Variants in ARHGAP15 observed in about 807,000 individuals in gnomAD.
ARHGAP15 encodes Rho GTPase activating protein 15, also known as rho GTPase-activating protein 15.
In ARHGAP15, 51 loss-of-function variants were observed where a neutral mutation model predicts 63.7. That is an observed-to-expected ratio of 0.80 (90% confidence interval 0.64 to 1.01). The LOEUF is 1.01. Ranked by LOEUF, ARHGAP15 falls within the 50% of genes least tolerant of loss-of-function variation. ARHGAP15 has a pLI of 0.00. For missense variants in ARHGAP15, 560 were observed against 564.6 expected (o/e 0.99, Z 0.08); for synonymous variants, 191 against 193.8 (o/e 0.99, Z 0.12).
At chr2:143,171,533 G>A (rs1159451325) in intron 2 of ARHGAP15, among the ~76,000 whole-genome samples, 2 of 152,066 alleles carry the variant, frequency 1.3e-5, no homozygotes, top group Non-Finnish European at 2.9e-5. Flanking sequence ...GCAGGCTGGG[G>A]ATTTAATTTT....
At chr2:143,382,350 C>T (rs764104920) in intron 6 of ARHGAP15, among the ~76,000 whole-genome samples, 14 of 152,240 alleles carry the variant, frequency 9.2e-5, no homozygotes, top group Non-Finnish European at 1.9e-4. Context: ...TGCCTTGCCT[C>T]TCTGGTTTCT....
chr2:143,715,126 G>C, intron 13 of ARHGAP15, among the ~76,000 whole-genome samples: 1 of 152,168 alleles, frequency 6.6e-6, no homozygotes, highest in East Asian at 1.9e-4. Context: ...CACATGGCTG[G>C]GGAGGCCTCA....
rs1277821256 is a variant in ARHGAP15 at position 143,413,793 on chromosome 2, C to T, written c.475-21808C>T. ...CCAGCGTACTCATAGCTTTTCAATG[C>T]AGAATGCCTCAGGAGAAGAAGCAAG... On this transcript the variant is annotated intron_variant, in intron 6 of 13. Transcript: ENST00000295095. 2.0e-5 allele frequency among the ~76,000 whole-genome samples: 3 copies of T among 152,206 alleles called. No individual in the cohort carries two copies. The East Asian group carries it at 5.8e-4, about 29-fold the overall frequency.
chr2:143,542,689 A>AT (rs1214417011), intron 10 of ARHGAP15, among the ~76,000 whole-genome samples: 3 of 126,682 alleles, frequency 2.4e-5, no homozygotes, highest in South Asian at 2.6e-4. Flanking sequence ...TATGATATAT[A>AT]GTATCACATA....
intron 13 of ARHGAP15, among the ~76,000 whole-genome samples, chr2:143,749,872 C>A (rs1267325130): frequency 6.6e-6 from 1 of 152,118 alleles, no homozygotes. Flanking sequence ...AGAGTTGAGT[C>A]CCTGGTTCTT....
intron 11 of ARHGAP15, among the ~76,000 whole-genome samples, chr2:143,602,593 G>A (rs1192217632): frequency 4.6e-5 from 7 of 151,972 alleles, no homozygotes; most frequent in Admixed American, 1.3e-4. Context: ...TGAAAGAAAA[G>A]AATGTGAATA....
intron 6 of ARHGAP15, among the ~76,000 whole-genome samples, chr2:143,339,442 T>C (rs1301157541): frequency 6.6e-6 from 1 of 152,126 alleles, no homozygotes; most frequent in African/African-American, 2.4e-5. Flanking sequence ...ATAGCAAAGA[T>C]GAATTATAGG....
intron 2 of ARHGAP15, among the ~76,000 whole-genome samples, chr2:143,195,006 G>A (rs188273561): frequency 7.2e-5 from 11 of 152,240 alleles, no homozygotes; most frequent in Admixed American, 3.3e-4. Context: ...TGCCAGGAGC[G>A]AGAGGCTGGT....
At chr2:143,160,456 T>A (rs1387924353) in intron 2 of ARHGAP15, among the ~76,000 whole-genome samples, 1 of 151,960 alleles carries the variant, frequency 6.6e-6, no homozygotes, top group Non-Finnish European at 1.5e-5. Context: ...GACTACACAA[T>A]AATGTGTCTT....
At chr2:143,510,394 T>C (rs1167289351) in intron 9 of ARHGAP15, among the ~76,000 whole-genome samples, 1 of 152,156 alleles carries the variant, frequency 6.6e-6, no homozygotes, top group Non-Finnish European at 1.5e-5. Flanking sequence ...AAACTTCCAG[T>C]CTAGAGCGAT....
chr2:143,206,399 T>A (rs990293784), intron 3 of ARHGAP15, among the ~76,000 whole-genome samples: 1 of 152,326 alleles, frequency 6.6e-6, no homozygotes, highest in East Asian at 1.9e-4. Flanking sequence ...AATAAATATA[T>A]GCCTAACATT....
At chr2:143,332,235 A>G (rs1006780617) in intron 6 of ARHGAP15, among the ~76,000 whole-genome samples, 2 of 152,174 alleles carry the variant, frequency 1.3e-5, no homozygotes, top group African/African-American at 4.8e-5. Flanking sequence ...GAGTAGAAGG[A>G]AAGGGAACTA....
chr2:143,350,838 C>CAAAAAAAAAAAAAAAAAAAAAAA, intron 6 of ARHGAP15: 1 of 57,730 alleles, frequency 1.7e-5, no homozygotes, highest in Non-Finnish European at 3.0e-5. Flanking sequence ...GACTCAGTCT[C>CAAAAAAAAAAAAAAAAAAAAAAA]AAAAAAAAAA....
At chr2:143,386,543 A>C (rs1367058331) in intron 6 of ARHGAP15, among the ~76,000 whole-genome samples, 1 of 152,192 alleles carries the variant, frequency 6.6e-6, no homozygotes, top group Non-Finnish European at 1.5e-5. Flanking sequence ...AAATTCAAAA[A>C]TATTAGTGAG....
chr2:143,534,903 CA>C (rs951381315), intron 10 of ARHGAP15, among the ~76,000 whole-genome samples: 36 of 151,504 alleles, frequency 2.4e-4, no homozygotes, highest in African/African-American at 8.5e-4. Context: ...AAAAACAAAA[CA>C]AAAAAACCTA....
At chr2:143,364,358 TTC>T (rs1686203753) in intron 6 of ARHGAP15, among the ~76,000 whole-genome samples, 2 of 152,212 alleles carry the variant, frequency 1.3e-5, no homozygotes, top group African/African-American at 4.8e-5. Flanking sequence ...AATTATTTTG[TTC>T]TCTCACAGAA....
intron 9 of ARHGAP15, among the ~76,000 whole-genome samples, chr2:143,511,433 C>T (rs1444898868): frequency 6.6e-6 from 1 of 152,054 alleles, no homozygotes; most frequent in Non-Finnish European, 1.5e-5. Flanking sequence ...AATATTGGCA[C>T]CCCTAGCAAG....
intron 12 of ARHGAP15, among the ~76,000 whole-genome samples, chr2:143,679,885 C>A (rs1683018369): frequency 6.6e-6 from 1 of 151,982 alleles, no homozygotes; most frequent in Admixed American, 6.6e-5. Flanking sequence ...CAAATTCACC[C>A]TTTTGTGAGC....
intron 6 of ARHGAP15, among the ~76,000 whole-genome samples, chr2:143,393,289 G>A (rs369859509): frequency 6.6e-6 from 1 of 151,976 alleles, no homozygotes; most frequent in East Asian, 1.9e-4. Flanking sequence ...TAAGTGCTAG[G>A]TCTTATATCA....
Sources: allele counts gnomAD v4.1 joint callset (sites outside exome capture counted in the v4.1 genomes callset), GRCh38; gene constraint gnomAD v4.1.1; transcripts MANE v1.5; gene names NCBI Gene and HGNC (gene_info 2026-07-23, HGNC 2026-07-21).